Variants in HS6ST2 observed in about 807,000 individuals in gnomAD.
The protein encoded by HS6ST2 is heparan sulfate 6-O-sulfotransferase 2.
HS6ST2 carries 17 observed loss-of-function variants against 33.0 expected under a neutral mutation model. The ratio of observed to expected loss-of-function variants is 0.52; its 90% confidence interval spans 0.35 to 0.77. The LOEUF (loss-of-function observed/expected upper bound fraction) is 0.77, where lower values mean the gene tolerates loss of function less well. HS6ST2 is among the 30% of genes least tolerant of loss of function. The pLI, the probability that HS6ST2 is intolerant of heterozygous loss-of-function variation, is 0.01. For synonymous variants in HS6ST2, 248 were observed against 237.1 expected (o/e 1.05, Z -0.42); for missense variants, 519 against 551.7 (o/e 0.94, Z 0.59).
chrX:132,820,242 T>G (rs2065438350), intron 2 of HS6ST2, among the ~76,000 whole-genome samples: 1 of 110,656 alleles, frequency 9.0e-6, no homozygotes, highest in South Asian at 3.9e-4. Context: ...AGTCTGAGCC[T>G]CTCAATGCAA....
chrX:132,648,257 A>G (rs1364523579), intron 4 of HS6ST2, among the ~76,000 whole-genome samples: 1 of 111,435 alleles, frequency 9.0e-6, no homozygotes, highest in Non-Finnish European at 1.9e-5. Flanking sequence ...AGCCACTTCC[A>G]AAGTCAAAAG....
intron 2 of HS6ST2, among the ~76,000 whole-genome samples, chrX:132,718,620 G>A (rs1286005497): frequency 9.0e-6 from 1 of 111,018 alleles, no homozygotes; most frequent in Non-Finnish European, 1.9e-5. Context: ...ACTCTGAAGT[G>A]CTTCCTGTTT....
chrX:132,675,120 A>G (rs771406418), intron 3 of HS6ST2, among the ~76,000 whole-genome samples: 2 of 111,347 alleles, frequency 1.8e-5, no homozygotes, highest in Non-Finnish European at 3.8e-5. Flanking sequence ...GATCTGGACT[A>G]GAGGAGAAGA....
intron 3 of HS6ST2, among the ~76,000 whole-genome samples, chrX:132,703,261 G>A (rs2064159849): frequency 8.9e-6 from 1 of 112,373 alleles, no homozygotes; most frequent in Admixed American, 9.4e-5. Flanking sequence ...GACCTGAGAG[G>A]GACCATGAAG....
intron 2 of HS6ST2, among the ~76,000 whole-genome samples, chrX:132,873,661 A>C (rs747077827): frequency 1.4e-4 from 16 of 111,819 alleles, no homozygotes; most frequent in Non-Finnish European, 2.8e-4. Context: ...GCATAGACTT[A>C]ATTTCAAAAC....
chrX:132,868,996 T>TTTA (rs1446394093), intron 2 of HS6ST2, among the ~76,000 whole-genome samples: 1 of 30,978 alleles, frequency 3.2e-5, no homozygotes, highest in African/African-American at 2.4e-4. Context: ...CCAGGAGGTA[T>TTTA]TTTTTTTTTA....
chrX:132,722,452 TAAAG>T lies in HS6ST2; in HGVS notation c.948-13962_948-13959del, dbSNP rs200619840. Among the ~76,000 whole-genome samples the T allele has an allele frequency of 8.7e-3, 976 of 111,594 alleles. 11 individuals are homozygous for T. Among genetic ancestry groups the T allele is most frequent in the African/African-American group, 0.03 (932 of 30,749 alleles). Reference sequence around the variant, plus strand: ...AATAATGTTGAAAACTTTTCATGATTAAAGAAAGTCACAATATGCATTAAAAAAG... The same window carrying T: ...AATAATGTTGAAAACTTTTCATGATTAAAGTCACAATATGCATTAAAAAAG... On this transcript the variant is annotated intron_variant, in intron 2 of 4. Coordinates refer to ENST00000370833, the MANE Select transcript of HS6ST2 (RefSeq NM_001394073.1).
chrX:132,911,638 CTT>C (rs767104982), intron 2 of HS6ST2, among the ~76,000 whole-genome samples: 2 of 91,960 alleles, frequency 2.2e-5, no homozygotes, highest in African/African-American at 4.2e-5. Flanking sequence ...AGCACACACT[CTT>C]TTTTTTTTTT....
intron 4 of HS6ST2, among the ~76,000 whole-genome samples, chrX:132,629,830 T>C (rs2063505509): frequency 8.9e-6 from 1 of 112,014 alleles, no homozygotes; most frequent in Non-Finnish European, 1.9e-5. Context: ...AGCTACTACC[T>C]TGGTTTCCAC....
intron 2 of HS6ST2, among the ~76,000 whole-genome samples, chrX:132,765,212 G>A (rs973787117): frequency 8.9e-6 from 1 of 111,983 alleles, no homozygotes; most frequent in Non-Finnish European, 1.9e-5. Context: ...GCCTTCTATG[G>A]GAGGCACAAG....
intron 2 of HS6ST2, among the ~76,000 whole-genome samples, chrX:132,850,475 C>T (rs2065792094): frequency 9.0e-6 from 1 of 111,158 alleles, no homozygotes; most frequent in Admixed American, 9.6e-5. Flanking sequence ...GTTTGTGTGA[C>T]TTTTGCAAAT....
At chrX:132,780,657 A>G (rs746084835) in intron 2 of HS6ST2, among the ~76,000 whole-genome samples, 82 of 111,605 alleles carry the variant, frequency 7.3e-4, no homozygotes, top group African/African-American at 2.6e-3. Context: ...TTACATGATG[A>G]AAATAAGAGT....
rs2063719252 is a variant in HS6ST2 at position 132,654,803 on chromosome X, T to C, written c.1067+14310A>G. ...TACACTGAGAGCTCATTTTGTACTT[T>C]GGTAGGCTCTGTGGAAGATAAAGAA... On this transcript the variant is annotated intron_variant, in intron 4 of 4. Coordinates refer to ENST00000370833, the MANE Select transcript of HS6ST2 (RefSeq NM_001394073.1). 2.7e-5 allele frequency among the ~76,000 whole-genome samples: 3 copies of C among 111,933 alleles called. No homozygotes were observed. The South Asian group carries it at 1.1e-3, about 42-fold the overall frequency.
At chrX:132,853,003 A>G (rs1224886328) in intron 2 of HS6ST2, among the ~76,000 whole-genome samples, 1 of 112,296 alleles carries the variant, frequency 8.9e-6, no homozygotes, top group Non-Finnish European at 1.9e-5. Context: ...CAACATAAAC[A>G]TGGATAACTA....
intron 2 of HS6ST2, among the ~76,000 whole-genome samples, chrX:132,837,652 T>C (rs900411644): frequency 7.2e-5 from 8 of 111,823 alleles, no homozygotes; most frequent in African/African-American, 2.6e-4. Flanking sequence ...AGGCAAGCCA[T>C]TCTTTACAGA....
chrX:132,826,834 G>A (rs1031891765), intron 2 of HS6ST2, among the ~76,000 whole-genome samples: 42 of 110,791 alleles, frequency 3.8e-4, no homozygotes, highest in African/African-American at 1.3e-3. Context: ...AACTGTTCAC[G>A]GGTCCTTGGA....
At chrX:132,808,753 A>T (rs1274103584) in intron 2 of HS6ST2, 1 of 111,848 alleles carries the variant, frequency 8.9e-6, no homozygotes, top group Non-Finnish European at 1.9e-5. Flanking sequence ...CCAATTCCAT[A>T]TGTGTGGGAC....
At position 132,955,555 on chromosome X, in the gene HS6ST2, A is replaced by T. The variant is rs750404771; in HGVS notation, c.947+1253T>A. ...AAGCATCCCCTTGTCCAGGGTACCA[A>T]GTGCACCCGGGGGATGGGGATGGGA... On this transcript the variant is annotated intron_variant, in intron 2 of 4. Coordinates refer to ENST00000370833, the MANE Select transcript of HS6ST2 (RefSeq NM_001394073.1). Among the ~76,000 whole-genome samples, 9 of 112,054 alleles carry T rather than the reference A, an allele frequency of 8.0e-5. No individual in the cohort carries two copies. The South Asian group carries it at 3.4e-3, about 43-fold the overall frequency.
intron 2 of HS6ST2, among the ~76,000 whole-genome samples, chrX:132,797,232 T>C (rs2148349510): frequency 8.9e-6 from 1 of 111,766 alleles, no homozygotes; most frequent in East Asian, 2.8e-4. Flanking sequence ...TTGTAGTGGG[T>C]ACTTGGTTGA....
Sources: gnomAD v4.1 joint callset for allele counts (sites outside exome capture counted in the v4.1 genomes callset) on GRCh38, gnomAD v4.1.1 for gene constraint, MANE v1.5 for transcripts, NCBI Gene and HGNC (gene_info 2026-07-23, HGNC 2026-07-21) for gene names.